Variants in JARID2 observed in about 807,000 individuals in gnomAD.
JARID2 encodes protein Jumonji.
Under a neutral mutation model 125.6 loss-of-function variants are expected in JARID2, and 21 were observed. The observed-to-expected ratio is 0.17, with a 90% confidence interval of 0.12 to 0.24. The LOEUF is 0.24. JARID2 is among the 10% of genes least tolerant of loss of function. JARID2 has a pLI of 1.00. For missense variants in JARID2, 1,303 were observed against 1,639.6 expected, an observed-to-expected ratio of 0.79 and a Z score of 3.55; for synonymous variants, 736 against 661.6, an observed-to-expected ratio of 1.11 and a Z score of -1.73.
At chr6:15,426,356 T>C (rs757149726) in intron 3 of JARID2, among the ~76,000 whole-genome samples, 3 of 152,216 alleles carry the variant, frequency 2.0e-5, no homozygotes, top group Non-Finnish European at 2.9e-5. Context: ...TTATAAACTT[T>C]TCTTTACCAA....
At chr6:15,265,669 T>G (rs1323228310) in intron 1 of JARID2, among the ~76,000 whole-genome samples, 6 of 151,664 alleles carry the variant, frequency 4.0e-5, no homozygotes, top group Admixed American at 3.9e-4. Context: ...AATTAAGGAG[T>G]ATTCTGCAGG....
At chr6:15,487,178 C>G (rs1769912444) in intron 5 of JARID2, 129 bp from the exon 6 acceptor site, 1 of 751,026 alleles carries the variant, frequency 1.3e-6, no homozygotes, top group Non-Finnish European at 2.2e-6. Context: ...CACCAGTTCC[C>G]TCGCTAACAC....
chr6:15,451,914 T>C (rs1304738371), intron 3 of JARID2, 92 bp from the exon 4 acceptor site: 8 of 1,231,074 alleles, frequency 6.5e-6, no homozygotes, highest in Non-Finnish European at 8.9e-6. Context: ...GGATCTTTTT[T>C]CCCCTTATGT....
At chr6:15,498,208 T>A (rs1249548197) in intron 7 of JARID2, among the ~76,000 whole-genome samples, 1 of 152,198 alleles carries the variant, frequency 6.6e-6, no homozygotes, top group Non-Finnish European at 1.5e-5. Context: ...GGCGATTTTG[T>A]CAAGGCCACA....
At chr6:15,348,312 G>A (rs1447929900) in intron 1 of JARID2, among the ~76,000 whole-genome samples, 1 of 152,018 alleles carries the variant, frequency 6.6e-6, no homozygotes, top group African/African-American at 2.4e-5. Flanking sequence ...GTCCGGTCTG[G>A]AACTCCTGAC....
intron 1 of JARID2, among the ~76,000 whole-genome samples, chr6:15,328,178 CAGGACCTCTTCTGAGG>C (rs1302917110): frequency 6.6e-6 from 1 of 152,112 alleles, no homozygotes; most frequent in Non-Finnish European, 1.5e-5. Flanking sequence ...AAGGGCTTTC[CAGGACCTCTTCTGAGG>C]TCCGAAGAAG....
chr6:15,280,219 T>C (rs1217648426), intron 1 of JARID2, among the ~76,000 whole-genome samples: 1 of 152,206 alleles, frequency 6.6e-6, no homozygotes. Flanking sequence ...AAAACTTCAG[T>C]GACTTGGGTT....
intron 1 of JARID2, among the ~76,000 whole-genome samples, chr6:15,312,662 T>G (rs1257729853): frequency 6.6e-6 from 1 of 152,234 alleles, no homozygotes; most frequent in Non-Finnish European, 1.5e-5. Context: ...GTGTATGGTT[T>G]GTTCCTTCCT....
chr6:15,255,811 G>C (rs557508530), intron 1 of JARID2, among the ~76,000 whole-genome samples: 1 of 152,296 alleles, frequency 6.6e-6, no homozygotes, highest in East Asian at 1.9e-4. Flanking sequence ...TTAAGCAGCA[G>C]ACTTTTGTGC....
intron 1 of JARID2, among the ~76,000 whole-genome samples, chr6:15,333,240 C>A (rs1325605783): frequency 6.6e-6 from 1 of 152,158 alleles, no homozygotes; most frequent in Non-Finnish European, 1.5e-5. Context: ...CACATTTACC[C>A]TTTTAAAGTA....
At chr6:15,502,713 T>C (rs1235757473) in intron 8 of JARID2, among the ~76,000 whole-genome samples, 5 of 152,194 alleles carry the variant, frequency 3.3e-5, no homozygotes, top group Non-Finnish European at 2.9e-5. Context: ...TGCACACTTC[T>C]CTGGAAAGAG....
intron 4 of JARID2, among the ~76,000 whole-genome samples, chr6:15,458,699 C>T (rs1319109349): frequency 4.6e-5 from 7 of 152,118 alleles, no homozygotes; most frequent in Admixed American, 1.3e-4. Context: ...CCCATTAAAG[C>T]AGGAAGGGAG....
intron 1 of JARID2, among the ~76,000 whole-genome samples, chr6:15,272,650 T>C (rs1417943559): frequency 1.3e-5 from 2 of 152,204 alleles, no homozygotes; most frequent in Admixed American, 1.3e-4. Context: ...CAAATCAGGA[T>C]GTTTCACTTT....
intron 9 of JARID2, among the ~76,000 whole-genome samples, chr6:15,506,520 C>T (rs1014992609): frequency 2.6e-5 from 4 of 152,126 alleles, no homozygotes; most frequent in Middle Eastern, 3.2e-3. Flanking sequence ...CCAGCTTTAC[C>T]AAGGCTTGTG....
At chr6:15,426,196 C>T (rs1276354135) in intron 3 of JARID2, among the ~76,000 whole-genome samples, 2 of 152,156 alleles carry the variant, frequency 1.3e-5, no homozygotes, top group Non-Finnish European at 2.9e-5. Context: ...GATTGTGACT[C>T]TTAATAATCC....
rs60258532 is a variant in JARID2 at position 15,350,626 on chromosome 6, C to A, written c.46-23491C>A. On this transcript the variant is annotated intron_variant, in intron 1 of 17. Coordinates refer to ENST00000341776, the MANE Select transcript of JARID2 (RefSeq NM_004973.4). Reference sequence around the variant, plus strand: ...ATTTGGTCCAGGTTGTTCATAACCTCATCACTTCCTTATAGTCATCGTTGG... The same window carrying A: ...ATTTGGTCCAGGTTGTTCATAACCTAATCACTTCCTTATAGTCATCGTTGG... 3.6e-3 allele frequency among the ~76,000 whole-genome samples: 551 copies of A among 151,996 alleles called. 5 individuals are homozygous for A. Among genetic ancestry groups the A allele is most frequent in the African/African-American group, 0.013 (535 of 41,396 alleles).
At chr6:15,304,844 G>C (rs909071259) in intron 1 of JARID2, among the ~76,000 whole-genome samples, 2 of 152,182 alleles carry the variant, frequency 1.3e-5, no homozygotes. Context: ...GCACCATCAG[G>C]TTGCAAGGTT....
intron 2 of JARID2, among the ~76,000 whole-genome samples, chr6:15,403,687 C>T (rs767971880): frequency 7.2e-5 from 11 of 152,082 alleles, no homozygotes; most frequent in Non-Finnish European, 1.5e-4. Flanking sequence ...AACGCTTTCT[C>T]AAAAAATTGT....
chr6:15,474,267 C>A (rs1003800635), intron 5 of JARID2, among the ~76,000 whole-genome samples: 34 of 152,206 alleles, frequency 2.2e-4, no homozygotes, highest in Non-Finnish European at 3.2e-4. Context: ...AGCAGTCTTT[C>A]AAAATTAAAT....
Sources: allele counts gnomAD v4.1 joint callset (sites outside exome capture counted in the v4.1 genomes callset), GRCh38; gene constraint gnomAD v4.1.1; transcripts MANE v1.5; gene names NCBI Gene and HGNC (gene_info 2026-07-23, HGNC 2026-07-21).